Variants in DNM3 observed in about 807,000 individuals in gnomAD.
DNM3 encodes the protein dynamin-3.
In DNM3, 47 loss-of-function variants were observed where a neutral mutation model predicts 101.6. The ratio of observed to expected loss-of-function variants is 0.46; its 90% CI spans 0.37 to 0.59. The LOEUF (loss-of-function observed/expected upper bound fraction) is 0.59. Ranked by LOEUF, DNM3 falls within the 20% of genes least tolerant of loss-of-function variation. DNM3 has a pLI of 0.00. For synonymous variants in DNM3, 385 were observed against 387.9 expected (o/e 0.99, Z 0.09); for missense variants, 849 against 1,085.7 (o/e 0.78, Z 3.06).
intron 2 of DNM3, among the ~76,000 whole-genome samples, chr1:171,971,341 A>T (rs533474069): frequency 3.9e-5 from 6 of 152,222 alleles, no homozygotes; most frequent in Admixed American, 2.0e-4. Context: ...TCCTTTACAG[A>T]TCACTCTACC....
At position 172,127,134 on chromosome 1, in the gene DNM3, C is replaced by T. The variant is rs78237776; in HGVS notation, c.1546-4041C>T. On this transcript the variant is annotated intron_variant, in intron 13 of 20. Coordinates refer to ENST00000627582, the MANE Select transcript of DNM3 (RefSeq NM_015569.5). ...AGCCTCCCTTCCAACTTCATACTCT[C>T]ACTCTCCCAGATAATTTTGTCTGCT... 1.0e-2 allele frequency among the ~76,000 whole-genome samples: 1,519 copies of T among 152,116 alleles called. 24 individuals carry two copies. The highest frequency in any genetic ancestry group is 0.033 in the African/African-American group (1,375 of 41,492).
At chr1:172,034,970 C>T (rs535881228) in intron 6 of DNM3, among the ~76,000 whole-genome samples, 8 of 151,746 alleles carry the variant, frequency 5.3e-5, no homozygotes, top group Admixed American at 6.6e-5. Context: ...AGATCAGATC[C>T]GTGAGTGAAA....
chr1:172,265,407 C>T (rs1266184702), intron 15 of DNM3, among the ~76,000 whole-genome samples: 6 of 152,050 alleles, frequency 3.9e-5, no homozygotes, highest in African/African-American at 9.7e-5. Context: ...TTGAGGAGAG[C>T]GAATTTCACA....
intron 14 of DNM3, among the ~76,000 whole-genome samples, chr1:172,176,032 C>T (rs763509872): frequency 4.6e-5 from 7 of 151,678 alleles, no homozygotes; most frequent in Non-Finnish European, 8.8e-5. Flanking sequence ...TATTTGAATC[C>T]GTAGAACCTG....
chr1:172,288,962 A>C (rs2148811963), intron 15 of DNM3, among the ~76,000 whole-genome samples: 1 of 152,270 alleles, frequency 6.6e-6, no homozygotes, highest in South Asian at 2.1e-4. Context: ...TGGGTCTTTA[A>C]ATTTTTCATT....
chr1:172,275,714 T>TG (rs1259356737), intron 15 of DNM3, among the ~76,000 whole-genome samples: 8 of 152,118 alleles, frequency 5.3e-5, no homozygotes, highest in Admixed American at 3.3e-4. Context: ...CACTGTCAGG[T>TG]GCTGCTACTC....
At chr1:172,160,391 T>A (rs1022194434) in intron 14 of DNM3, among the ~76,000 whole-genome samples, 17 of 152,242 alleles carry the variant, frequency 1.1e-4, no homozygotes, top group African/African-American at 4.1e-4. Flanking sequence ...ATTTCTTTTT[T>A]AATATCCTTA....
chr1:171,965,374 G>A (rs900171090), intron 2 of DNM3, among the ~76,000 whole-genome samples: 1 of 148,540 alleles, frequency 6.7e-6, no homozygotes, highest in African/African-American at 2.5e-5. Context: ...AAGACCCTGT[G>A]TCTACAAAAA....
At chr1:171,971,017 G>T (rs975656750) in intron 2 of DNM3, among the ~76,000 whole-genome samples, 3 of 151,926 alleles carry the variant, frequency 2.0e-5, no homozygotes, top group African/African-American at 7.2e-5. Flanking sequence ...TATGAAATGG[G>T]CATTGTATTA....
At position 171,988,951 on chromosome 1, in the gene DNM3, A is replaced by C. The variant is rs1484845229; in HGVS notation, c.392A>C (p.Asn131Thr). 6.3e-7 allele frequency: 1 copy of C among 1,586,886 alleles called. No individual in the cohort carries two copies. Among genetic ancestry groups the C allele is most frequent in the African/African-American group, 1.3e-5 (1 of 74,500 alleles). The change falls in exon 4 of 21, where the codon AAT becomes ACT. Residue 131 changes from asparagine (N) to threonine (T), a missense_variant. This residue lies in a region of DNM3 where 388 missense variants were observed against 483.0 expected (regional missense o/e 0.80). Coordinates refer to ENST00000627582, the MANE Select transcript of DNM3 (RefSeq NM_015569.5). ...NLRVYSPHVL[N>T]LTLIDLPGIT... ...CTTTATCCTTTCCACACAGTGTTAA[A>C]TCTAACCCTTATTGATCTACCTGGA...
chr1:171,989,677 A>C (rs767234088), intron 4 of DNM3, among the ~76,000 whole-genome samples: 1 of 152,170 alleles, frequency 6.6e-6, no homozygotes, highest in Non-Finnish European at 1.5e-5. Flanking sequence ...AATATCCAGA[A>C]AAGGTCCTTT....
chr1:172,314,567 G>A (rs969976346), intron 16 of DNM3, among the ~76,000 whole-genome samples: 6 of 152,146 alleles, frequency 3.9e-5, no homozygotes, highest in Non-Finnish European at 5.9e-5. Context: ...CTTAGGAAAC[G>A]GTGCACCAGG....
At chr1:172,291,149 G>T (rs957898927) in intron 15 of DNM3, among the ~76,000 whole-genome samples, 1 of 152,028 alleles carries the variant, frequency 6.6e-6, no homozygotes, top group Admixed American at 6.6e-5. Flanking sequence ...AAGAGGGAGA[G>T]AATGGAAAAA....
chr1:172,290,005 A>C (rs890025316), intron 15 of DNM3: 12 of 920,410 alleles, frequency 1.3e-5, no homozygotes, highest in African/African-American at 1.8e-5. Context: ...AGGTTTGATG[A>C]TTAATTTGTG....
intron 15 of DNM3, among the ~76,000 whole-genome samples, chr1:172,298,330 G>A (rs947726782): frequency 1.3e-5 from 2 of 152,136 alleles, no homozygotes; most frequent in African/African-American, 4.8e-5. Flanking sequence ...CTTTAAGTGG[G>A]CTGGTCCCAC....
rs1215756972 is a variant in DNM3, at chr1:172,227,304, A to ATATATATATATATATG, written c.1660-26268_1660-26267insATATATATATATATGT. 3.7e-4 allele frequency among the ~76,000 whole-genome samples: 49 copies of ATATATATATATATATG among 131,544 alleles called. 2 individuals carry two copies. Among genetic ancestry groups the ATATATATATATATATG allele is most frequent in the African/African-American group, 1.2e-3 (42 of 34,764 alleles). 86.3% of individuals were successfully genotyped at this position (131,544 alleles called of 152,430 possible). A position where few individuals can be genotyped will look rare whatever the true frequency, so the allele number is the denominator to read the frequency against. On this transcript the variant is annotated intron_variant, in intron 14 of 20. Coordinates refer to ENST00000627582, the MANE Select transcript of DNM3 (RefSeq NM_015569.5). ...TATATATATATATATATATATATAT[A>ATATATATATATATATG]TCACATTTTCTTTATCCACTCGTCA...
At chr1:172,097,693 G>A (rs527346549) in intron 13 of DNM3, among the ~76,000 whole-genome samples, 1 of 152,260 alleles carries the variant, frequency 6.6e-6, no homozygotes, top group South Asian at 2.1e-4. Context: ...AGGAAAACTT[G>A]GAGAGTGGTT....
chr1:171,914,278 C>A (rs1005511715), intron 1 of DNM3, among the ~76,000 whole-genome samples: 17 of 152,154 alleles, frequency 1.1e-4, no homozygotes, highest in Admixed American at 1.1e-3. Context: ...CTATCTCAGC[C>A]TCCCGAGTAG....
At chr1:171,908,601 A>G (rs1283027189) in intron 1 of DNM3, among the ~76,000 whole-genome samples, 2 of 152,120 alleles carry the variant, frequency 1.3e-5, no homozygotes, top group Non-Finnish European at 2.9e-5. Flanking sequence ...ACTGACAGTG[A>G]AGAATAATAT....
Sources: gnomAD v4.1 joint callset for allele counts (sites outside exome capture counted in the v4.1 genomes callset) on GRCh38, gnomAD v4.1.1 for gene constraint, gnomAD v4.1.1 regional missense constraint, MANE v1.5 for transcripts, NCBI Gene and HGNC (gene_info 2026-07-23, HGNC 2026-07-21) for gene names.